The following PHACTR4 variants were observed in gnomAD, a reference collection of about 807,000 sequenced individuals.
PHACTR4 encodes the protein protein phosphatase 1, regulatory subunit 124.
In PHACTR4, 51 loss-of-function variants were observed where a neutral mutation model predicts 72.7. The observed-to-expected ratio is 0.70, with a 90% CI of 0.56 to 0.89. The LOEUF is 0.89. Among genes scored for constraint, PHACTR4 ranks in the 40% least tolerant of loss-of-function variants. The pLI is 0.00. For missense variants in PHACTR4, 731 were observed against 861.8 expected, an observed-to-expected ratio of 0.85 and a Z score of 1.90; for synonymous variants, 255 against 302.5, an observed-to-expected ratio of 0.84 and a Z score of 1.63.
intron 1 of PHACTR4, among the ~76,000 whole-genome samples, chr1:28,391,921 C>G (rs1437324932): frequency 6.6e-6 from 1 of 151,856 alleles, no homozygotes; most frequent in Non-Finnish European, 1.5e-5. Context: ...AAAATATATT[C>G]TGTACCTGCA....
Position 28,499,141 on chromosome 1 carries a change from T to C in PHACTR4, c.*2592T>C, listed in dbSNP as rs1302834632. ...CATCTCCTTGAAGTTTTTTTTGTTT[T>C]ATTTTGTTTTTGAGACAGAATTTTG... On this transcript the variant is annotated 3_prime_UTR_variant, in exon 14 of 14. Transcript: ENST00000373839. 2 of 152,078 alleles carry C rather than the reference T, an allele frequency of 1.3e-5. No individual in the cohort carries two copies. Among genetic ancestry groups the C allele is most frequent in the Non-Finnish European group, 2.9e-5 (2 of 68,140 alleles). 9.4% of individuals were successfully genotyped at this position (152,078 alleles called of 1,614,324 possible). A position where few individuals can be genotyped will look rare whatever the true frequency, so the allele number is the denominator to read the frequency against.
chr1:28,375,009 G>A (rs907252894), intron 1 of PHACTR4, among the ~76,000 whole-genome samples: 1 of 152,096 alleles, frequency 6.6e-6, no homozygotes, highest in Non-Finnish European at 1.5e-5. Flanking sequence ...ACTACTATTA[G>A]AAGAAGAGGC....
At chr1:28,452,322 A>G (rs1273587929) in intron 2 of PHACTR4, among the ~76,000 whole-genome samples, 1 of 152,164 alleles carries the variant, frequency 6.6e-6, no homozygotes, top group African/African-American at 2.4e-5. Context: ...CCTGGGCGAC[A>G]TAGTGAGACC....
chr1:28,491,900 A>G (rs956405568), intron 12 of PHACTR4, 113 bp downstream of exon 12: 2 of 1,236,450 alleles, frequency 1.6e-6, no homozygotes, highest in African/African-American at 3.1e-5. Context: ...TAGTTTTAAT[A>G]TAATATTAAA....
At position 28,490,956 on chromosome 1, in the gene PHACTR4, A is replaced by G; in HGVS notation, c.1822A>G (p.Asn608Asp). The G allele has an allele frequency of 6.2e-7, 1 of 1,613,908 alleles. No homozygotes were observed. The highest frequency in any genetic ancestry group is 8.5e-7 in the Non-Finnish European group (1 of 1,179,790). ...CTTCTGATTGTCAACTGTAGCTAAA[A>G]ATGAAGCTGATCGTCAGGCAGAAAA... ...LEQRNILQPK[N>D]EADRQAEKRE... The change falls in exon 11 of 14, where the codon AAT becomes GAT. Residue 608 changes from asparagine to aspartate, a missense_variant. Physicochemically the swap from Asn to Asp is conservative, Grantham distance 23 (BLOSUM62 1). Transcript: ENST00000373839.
At chr1:28,476,399 T>G in intron 8 of PHACTR4, 108 bp downstream of exon 8, 1 of 1,148,266 alleles carries the variant, frequency 8.7e-7, no homozygotes, top group Non-Finnish European at 1.2e-6. Context: ...CTTCTCCCAT[T>G]AAGTCATCTG....
intron 4 of PHACTR4, among the ~76,000 whole-genome samples, chr1:28,461,881 A>G (rs1271140117): frequency 6.8e-6 from 1 of 146,128 alleles, no homozygotes; most frequent in Non-Finnish European, 1.5e-5. Flanking sequence ...GTGACTAGTT[A>G]TGAGCATATA....
chr1:28,371,427 T>C (rs1156834164), intron 1 of PHACTR4, among the ~76,000 whole-genome samples: 2 of 152,108 alleles, frequency 1.3e-5, no homozygotes, highest in African/African-American at 4.8e-5. Context: ...CCTGAGTAGC[T>C]GGGATTACAG....
intron 2 of PHACTR4, among the ~76,000 whole-genome samples, chr1:28,423,847 G>C (rs867375567): frequency 4.4e-4 from 67 of 152,296 alleles, no homozygotes; most frequent in African/African-American, 1.5e-3. Flanking sequence ...TTCAATTCAT[G>C]TTAGCTATTA....
chr1:28,385,132 T>A (rs75954690), intron 1 of PHACTR4, among the ~76,000 whole-genome samples: 6,599 of 152,308 alleles, frequency 0.043, 193 homozygotes, highest in Middle Eastern at 0.088. Context: ...CTTAGTGCTC[T>A]AAATATCCCT....
intron 9 of PHACTR4, among the ~76,000 whole-genome samples, chr1:28,488,512 G>C (rs930664464): frequency 6.6e-5 from 10 of 152,086 alleles, no homozygotes; most frequent in Non-Finnish European, 7.4e-5. Context: ...TAACCTAGCT[G>C]GACATAATGG....
intron 2 of PHACTR4, among the ~76,000 whole-genome samples, chr1:28,455,279 A>G (rs1167042077): frequency 1.5e-5 from 2 of 134,126 alleles, no homozygotes; most frequent in Non-Finnish European, 3.1e-5. Context: ...GCTCACTGCA[A>G]CCTCCGCCTC....
In PHACTR4 at chr1:28,473,987, T is replaced by A. The variant is rs745751955; in HGVS notation, c.1257T>A (p.Ile419=). Residue 419 remains isoleucine (I), a synonymous_variant, in exon 7 of 14, where the codon ATT becomes ATA. Coordinates refer to ENST00000373839, the MANE Select transcript of PHACTR4 (RefSeq NM_001048183.3). ...GGCTGCCTCCACTCCCACTGCATAT[T>A]CGAATCCAGCAGGCCCTCACCAGCC... ...PSRLPPLPLH[I]RIQQALTSPL... 3 of 1,614,180 alleles carry A rather than the reference T, an allele frequency of 1.9e-6. No homozygotes were observed. The highest frequency in any genetic ancestry group is 2.5e-6 in the Non-Finnish European group (3 of 1,180,038).
intron 2 of PHACTR4, among the ~76,000 whole-genome samples, chr1:28,434,946 ATAAAT>A (rs1656535625): frequency 6.6e-6 from 1 of 152,238 alleles, no homozygotes; most frequent in Admixed American, 6.5e-5. Context: ...TCATGTCTAC[ATAAAT>A]TAGATTAGAA....
At chr1:28,457,494 TCAGGAGGCTGAGG>T (rs1270569851) in intron 2 of PHACTR4, among the ~76,000 whole-genome samples, 1 of 151,996 alleles carries the variant, frequency 6.6e-6, no homozygotes, top group Non-Finnish European at 1.5e-5. Context: ...TCCTGGCTAC[TCAGGAGGCTGAGG>T]CAGGAGGATC....
intron 2 of PHACTR4, among the ~76,000 whole-genome samples, chr1:28,422,058 C>T (rs1655544683): frequency 6.6e-6 from 1 of 152,110 alleles, no homozygotes; most frequent in Non-Finnish European, 1.5e-5. Flanking sequence ...TTTCAGCTCT[C>T]AAAGAGGAGA....
At chr1:28,394,338 AGAAAGGAAGGAAAG>A (rs1313413890) in intron 1 of PHACTR4, among the ~76,000 whole-genome samples, 6 of 151,598 alleles carry the variant, frequency 4.0e-5, no homozygotes, top group Admixed American at 2.6e-4. Flanking sequence ...GAGCAGAGAG[AGAAAGGAAGGAAAG>A]GAAAGGAAGA....
At chr1:28,439,906 A>G (rs1361116198) in intron 2 of PHACTR4, among the ~76,000 whole-genome samples, 6 of 152,220 alleles carry the variant, frequency 3.9e-5, no homozygotes, top group Non-Finnish European at 8.8e-5. Context: ...GATGGAAATG[A>G]AAGGGCTTTG....
At chr1:28,478,609 T>A (rs951967871) in intron 8 of PHACTR4, among the ~76,000 whole-genome samples, 3 of 150,896 alleles carry the variant, frequency 2.0e-5, no homozygotes, top group African/African-American at 5.0e-5. Context: ...TTTTAGTTTT[T>A]GTTTTTGTTT....
Sources: allele counts gnomAD v4.1 joint callset (sites outside exome capture counted in the v4.1 genomes callset), GRCh38; gene constraint gnomAD v4.1.1; transcripts MANE v1.5; gene names NCBI Gene and HGNC (gene_info 2026-07-23, HGNC 2026-07-21).